TRIM66: variants seen among roughly 807,000 people sequenced by gnomAD.
TRIM66 encodes tripartite motif-containing protein 66.
A neutral mutation model predicts 148.2 loss-of-function variants in TRIM66; 99 were observed. That is an observed-to-expected ratio of 0.67 (90% CI 0.57 to 0.79). The LOEUF is 0.79. TRIM66 is among the 30% of genes least tolerant of loss of function. The pLI is 0.00. For synonymous variants in TRIM66, 616 were observed against 635.9 expected (o/e 0.97, Z 0.47); for missense variants, 1,666 against 1,697.9 (o/e 0.98, Z 0.33).
In TRIM66 at chr11:8,615,016, C is replaced by T. The variant is rs1468515376; in HGVS notation, c.*2928G>A. Reference sequence around the variant, plus strand: ...TGATCTCAGCTCACTGCAACCTCCACCTCCCGGATTCAAGCAATTCTCCTG... The same window carrying T: ...TGATCTCAGCTCACTGCAACCTCCATCTCCCGGATTCAAGCAATTCTCCTG... On this transcript the variant is annotated 3_prime_UTR_variant, in exon 25 of 25. Coordinates refer to ENST00000646038, the MANE Select transcript of TRIM66 (RefSeq NM_001388022.1). The T allele has an allele frequency of 6.6e-6, 1 of 152,230 alleles. No homozygotes were observed. The highest frequency in any genetic ancestry group is 1.5e-5 in the Non-Finnish European group (1 of 68,114). The allele number at this position is 152,230 out of a possible 1,614,324, so 9.4% of individuals were successfully genotyped here. A position where few individuals can be genotyped will look rare whatever the true frequency, so the allele number is the denominator to read the frequency against.
At chr11:8,670,249 A>C (rs1010901976) in intron 6 of TRIM66, among the ~76,000 whole-genome samples, 4 of 151,954 alleles carry the variant, frequency 2.6e-5, no homozygotes, top group Admixed American at 2.0e-4. Flanking sequence ...CTGACCTCAG[A>C]TGATTCGCTG....
In TRIM66 at chr11:8,640,112, C is replaced by T; in HGVS notation, c.2148+115G>A. ...TGAAATGTGAGGGCTGAGCTCAAGGCAGCCCTAAGGTGCAGAAACTGTATT... is the reference window on the plus strand; with the variant it reads ...TGAAATGTGAGGGCTGAGCTCAAGGTAGCCCTAAGGTGCAGAAACTGTATT... On this transcript the variant is annotated intron_variant, in intron 14 of 24. Transcript: ENST00000646038. 6 of 1,054,958 alleles carry T rather than the reference C, an allele frequency of 5.7e-6. No individual in the cohort carries two copies. In the South Asian group the frequency reaches 8.1e-5, roughly 14 times the overall value. 65.3% of individuals were successfully genotyped at this position (1,054,958 alleles called of 1,614,324 possible). A position where few individuals can be genotyped will look rare whatever the true frequency, so the allele number is the denominator to read the frequency against.
chr11:8,648,428 T>G lies in TRIM66; in HGVS notation c.713A>C (p.His238Pro). ...CTGTCAGCCCCACCTGTGTTCTTTG[T>G]GTTCCACCACTAGGCAGCTATGGCA... ...LTCHSCLVVE[H>P]KEHRCRHVEE... The change falls in exon 9 of 25, where the codon CAC becomes CCC. Residue 238 changes from histidine (H) to proline (P), a missense_variant. Physicochemically the swap from His to Pro is moderately conservative, Grantham distance 77. Transcript: ENST00000646038. 1 of 1,551,624 alleles carries G rather than the reference T, an allele frequency of 6.4e-7. No individual in the cohort carries two copies.
chr11:8,619,040 C>T, intron 23 of TRIM66, 72 bp from the exon 24 acceptor site: 3 of 1,354,376 alleles, frequency 2.2e-6, no homozygotes, highest in Non-Finnish European at 3.1e-6. Context: ...CCCTCAAGAG[C>T]TACACAGAGC....
In TRIM66 at chr11:8,621,755, A is replaced by C; in HGVS notation, c.3145T>G (p.Ser1049Ala). The change falls in exon 19 of 25, where the codon TCC becomes GCC. Residue 1049 changes from serine to alanine, a missense_variant. Physicochemically the swap from Ser to Ala is moderately conservative, Grantham distance 99 (BLOSUM62 1). Around this residue, in one of 3 missense-constraint regions of TRIM66, gnomAD observed 1,431 missense variants for 1,412.4 expected, o/e 1.01. Coordinates refer to ENST00000646038, the MANE Select transcript of TRIM66 (RefSeq NM_001388022.1). ...RLERLKICAA[S>A]SGEMPVFKLK... ...TTGAACACAGGCATCTCTCCTGAGG[A>C]GGCAGCACAGATCTTGAGTCGCTCC... 2 of 1,551,466 alleles carry C rather than the reference A, an allele frequency of 1.3e-6. No individual in the cohort carries two copies. Among genetic ancestry groups the C allele is most frequent in the Non-Finnish European group, 1.7e-6 (2 of 1,146,944 alleles).
At chr11:8,630,240 G>A (rs1476207624) in intron 15 of TRIM66, among the ~76,000 whole-genome samples, 4 of 152,150 alleles carry the variant, frequency 2.6e-5, no homozygotes, top group East Asian at 1.9e-4. Context: ...GCTTGAGAGC[G>A]TGGCCAGGTT....
intron 4 of TRIM66, 110 bp from the exon 5 acceptor site, chr11:8,672,495 A>G: frequency 8.2e-7 from 1 of 1,223,626 alleles, no homozygotes; most frequent in Non-Finnish European, 1.1e-6. Context: ...CAAATTAAAT[A>G]AAACCAAGAG....
At chr11:8,647,861 T>C in intron 10 of TRIM66, 109 bp downstream of exon 10, 1 of 856,792 alleles carries the variant, frequency 1.2e-6, no homozygotes, top group Non-Finnish European at 1.9e-6. Flanking sequence ...CACATCTGCT[T>C]AACCACAGTT....
rs2036323420 is a variant in TRIM66, at chr11:8,640,854, C to A, written c.1521G>T (p.Gln507His). The A allele has an allele frequency of 1.3e-6, 2 of 1,550,392 alleles. No homozygotes were observed. Among genetic ancestry groups the A allele is most frequent in the East Asian group, 4.9e-5 (2 of 40,894 alleles). The change falls in exon 14 of 25, where the codon CAG becomes CAT. Residue 507 changes from glutamine to histidine, a missense_variant. This residue lies in a region of TRIM66 where 1,431 missense variants were observed against 1,412.4 expected (regional missense o/e 1.01). Coordinates refer to ENST00000646038, the MANE Select transcript of TRIM66 (RefSeq NM_001388022.1). ...TCTCCCTGGGCAGCAGGGCAGAGCA[C>A]TGCAGAGACCCCAGCTGCTGGGGCA... ...EMVPQQLGSL[Q>H]CSALLPREKE...
chr11:8,674,988 A>G (rs1320954636), intron 3 of TRIM66, 105 bp from the exon 4 acceptor site: 1 of 152,264 alleles, frequency 6.6e-6, no homozygotes, highest in African/African-American at 2.4e-5. Context: ...AATGTTATTT[A>G]TAAGGTAGAC....
chr11:8,624,431 A>G lies in TRIM66; in HGVS notation c.2947T>C (p.Ser983Pro), dbSNP rs2034609903. Reference sequence around the variant, plus strand: ...GGCGCCAGTGGAGGTTTCTTCACAGAGAGGTTAATTGGCTCCTCCAGTTCT... The same window carrying G: ...GGCGCCAGTGGAGGTTTCTTCACAGGGAGGTTAATTGGCTCCTCCAGTTCT... ...PSELEEPINL[S>P]VKKPPLAPVV... is the part of the protein sequence containing the mutation. The change falls in exon 17 of 25, where the codon TCT (serine) becomes CCT (proline). Residue 983 changes from serine to proline, a missense_variant. Ser to Pro is a moderately conservative substitution (Grantham distance 74). This residue lies in a region of TRIM66 where 1,431 missense variants were observed against 1,412.4 expected (regional missense o/e 1.01). Transcript: ENST00000646038. The G allele has an allele frequency of 6.4e-7, 1 of 1,551,520 alleles. No homozygotes were observed. Among genetic ancestry groups the G allele is most frequent in the African/African-American group, 1.4e-5 (1 of 73,042 alleles).
chr11:8,623,575 A>T (rs1277144348), intron 17 of TRIM66, among the ~76,000 whole-genome samples: 1 of 152,234 alleles, frequency 6.6e-6, no homozygotes, highest in Non-Finnish European at 1.5e-5. Context: ...TTTATTACAC[A>T]TATAGGAAAC....
chr11:8,682,804 G>C, upstream of TRIM66: 1 of 1,613,316 alleles, frequency 6.2e-7, no homozygotes, highest in Non-Finnish European at 8.5e-7. Context: ...TTTTCGTCTG[G>C]GCTGCCAACA....
intron 15 of TRIM66, among the ~76,000 whole-genome samples, chr11:8,625,515 G>T (rs1052095645): frequency 7.7e-5 from 11 of 142,560 alleles, no homozygotes; most frequent in African/African-American, 2.8e-4. Context: ...GTGAGAAGGA[G>T]AACTTATTGC....
chr11:8,635,738 G>A (rs2035820046), intron 15 of TRIM66, among the ~76,000 whole-genome samples: 1 of 152,186 alleles, frequency 6.6e-6, no homozygotes, highest in African/African-American at 2.4e-5. Context: ...AGAATTCCTA[G>A]GACCTTTGCT....
chr11:8,682,636 G>C lies in TRIM66; in HGVS notation c.-583C>G, dbSNP rs2039498840. Reference sequence around the variant, plus strand: ...CACCGCCACCAGGACACTCCGTGATGGGGGATCACCACCCTCAGAAAGAGG... The same window carrying C: ...CACCGCCACCAGGACACTCCGTGATCGGGGATCACCACCCTCAGAAAGAGG... On this transcript the variant is annotated 5_prime_UTR_variant, in exon 1 of 25. Transcript: ENST00000646038. The C allele has an allele frequency of 4.9e-5, 35 of 709,438 alleles. No individual in the cohort carries two copies. The South Asian group carries it at 5.2e-4, about 10-fold the overall frequency. The allele number at this position is 709,438 out of a possible 1,614,324, so 43.9% of individuals were successfully genotyped here.
chr11:8,669,489 C>T (rs750118594), intron 6 of TRIM66, among the ~76,000 whole-genome samples: 8 of 152,104 alleles, frequency 5.3e-5, no homozygotes, highest in Non-Finnish European at 1.0e-4. Context: ...ACTAAAAATA[C>T]AAAAATTAGC....
chr11:8,661,742 T>A (rs1293716819), intron 6 of TRIM66, among the ~76,000 whole-genome samples: 2 of 152,194 alleles, frequency 1.3e-5, no homozygotes, highest in Admixed American at 6.5e-5. Context: ...CAGGAGGGAT[T>A]GGAGATTAAG....
At chr11:8,666,490 T>C (rs1368153061) in intron 6 of TRIM66, among the ~76,000 whole-genome samples, 1 of 151,864 alleles carries the variant, frequency 6.6e-6, no homozygotes, top group Non-Finnish European at 1.5e-5. Flanking sequence ...AAGTTCTAAA[T>C]AACAGCACTT....
Sources: gnomAD v4.1 joint callset for allele counts (sites outside exome capture counted in the v4.1 genomes callset) on GRCh38, gnomAD v4.1.1 for gene constraint, gnomAD v4.1.1 regional missense constraint, MANE v1.5 for transcripts, NCBI Gene and HGNC (gene_info 2026-07-23, HGNC 2026-07-21) for gene names.